Variants in TNFAIP8 observed in about 807,000 individuals in gnomAD.
TNFAIP8 encodes the protein TNF alpha induced protein 8.
A neutral mutation model predicts 13.3 loss-of-function variants in TNFAIP8; 7 were observed. The ratio of observed to expected loss-of-function variants is 0.52; its 90% confidence interval spans 0.30 to 0.99. The LOEUF (loss-of-function observed/expected upper bound fraction) is 0.99, where lower values mean the gene tolerates loss of function less well. Ranked by LOEUF, TNFAIP8 falls within the 50% of genes least tolerant of loss-of-function variation. The pLI, the probability that TNFAIP8 is intolerant of heterozygous loss-of-function variation, is 0.07. For synonymous variants in TNFAIP8, 94 were observed against 87.6 expected, an observed-to-expected ratio of 1.07 and a Z score of -0.41; for missense variants, 258 against 236.9, an observed-to-expected ratio of 1.09 and a Z score of -0.58.
rs377717523 is a variant in TNFAIP8, at chr5:119,393,962, A to G, written c.*581A>G. On this transcript the variant is annotated 3_prime_UTR_variant, in exon 2 of 2. Transcript: ENST00000504771. ...CTTATCTGAAATCAGTACTGTGGAA[A>G]TGAACTATATTAGCTATTATGAATA... 6.5e-6 allele frequency: 1 copy of G among 153,644 alleles called. No individual in the cohort carries two copies. Among genetic ancestry groups the G allele is most frequent in the East Asian group, 1.9e-4 (1 of 5,202 alleles). The allele number at this position is 153,644 out of a possible 1,614,324, so 9.5% of individuals were successfully genotyped here.
At chr5:119,359,569 G>A (rs1042690745) in intron 1 of TNFAIP8, among the ~76,000 whole-genome samples, 1 of 149,336 alleles carries the variant, frequency 6.7e-6, no homozygotes, top group East Asian at 1.9e-4. Context: ...AAAAAAAAAA[G>A]TTTAGTTGTT....
chr5:119,278,799 T>C (rs1224442956), intron 1 of TNFAIP8, among the ~76,000 whole-genome samples: 1 of 152,160 alleles, frequency 6.6e-6, no homozygotes, highest in Admixed American at 6.6e-5. Flanking sequence ...AATAATAATA[T>C]GGAAGGTGTT....
At chr5:119,284,930 G>C (rs1409274306) in intron 1 of TNFAIP8, among the ~76,000 whole-genome samples, 1 of 152,082 alleles carries the variant, frequency 6.6e-6, no homozygotes, top group Non-Finnish European at 1.5e-5. Context: ...TGAGTTTGGT[G>C]GAGAAAGAAG....
chr5:119,355,783 C>T, upstream of TNFAIP8: 2 of 409,710 alleles, frequency 4.9e-6, no homozygotes, highest in Non-Finnish European at 7.0e-6. Context: ...TGGGCCTGTG[C>T]CCCACCTGCG....
intron 1 of TNFAIP8, among the ~76,000 whole-genome samples, chr5:119,287,206 T>C (rs1748824556): frequency 6.6e-6 from 1 of 151,130 alleles, no homozygotes; most frequent in Admixed American, 6.6e-5. Context: ...ATTGATTCTA[T>C]CACTTACAGC....
At position 119,392,931 on chromosome 5, in the gene TNFAIP8, G is replaced by A; in HGVS notation, c.147G>A (p.Glu49=). ...CCTTAATAGACGACACAAGTAGTGA[G>A]GTGCTGGATGAGCTCTACAGAGTGA... is the stretch of plus-strand genomic sequence containing the variant. ...ATTLIDDTSS[E]VLDELYRVTR... is the part of the protein sequence containing the mutation. Residue 49 remains glutamate (E), a synonymous_variant, in exon 2 of 2, where the codon GAG becomes GAA. Transcript: ENST00000504771. The A allele has an allele frequency of 6.2e-7, 1 of 1,607,752 alleles. No individual in the cohort carries two copies. The highest frequency in any genetic ancestry group is 1.7e-4 in the Middle Eastern group (1 of 6,056).
chr5:119,367,714 A>G (rs1751912993), intron 1 of TNFAIP8, among the ~76,000 whole-genome samples: 1 of 152,194 alleles, frequency 6.6e-6, no homozygotes, highest in African/African-American at 2.4e-5. Flanking sequence ...TTCAGTATAG[A>G]TATGACAAAC....
At position 119,283,345 on chromosome 5, in the gene TNFAIP8, G is replaced by A. The variant is rs181459147; in HGVS notation, c.1+14438G>A. 7.9e-5 allele frequency among the ~76,000 whole-genome samples: 12 copies of A among 152,326 alleles called. No individual in the cohort carries two copies. The East Asian group carries it at 2.3e-3, about 29-fold the overall frequency. ...AAACAATGATGAAAATGATCAAGGAGTGATAGGCTAGGCATAGTGGCCCAA... is the reference window on the plus strand; with the variant it reads ...AAACAATGATGAAAATGATCAAGGAATGATAGGCTAGGCATAGTGGCCCAA... On this transcript the variant is annotated intron_variant, in intron 1 of 1. Coordinates refer to the TNFAIP8 transcript ENST00000274456.
chr5:119,275,536 G>T (rs1368919891), intron 1 of TNFAIP8, among the ~76,000 whole-genome samples: 1 of 152,104 alleles, frequency 6.6e-6, no homozygotes, highest in Non-Finnish European at 1.5e-5. Flanking sequence ...CTGTCCTGAG[G>T]TCCTGGTACC....
At chr5:119,369,037 TTTC>T (rs1751974975) in intron 1 of TNFAIP8, among the ~76,000 whole-genome samples, 1 of 148,260 alleles carries the variant, frequency 6.7e-6, no homozygotes, top group Non-Finnish European at 1.5e-5. Flanking sequence ...TAAGCCAAAC[TTTC>T]TTTTCTTTTC....
chr5:119,300,971 C>G (rs1749372272), intron 1 of TNFAIP8, among the ~76,000 whole-genome samples: 1 of 152,120 alleles, frequency 6.6e-6, no homozygotes. Context: ...GTGCCTCACA[C>G]TAAAAGCATT....
At chr5:119,292,612 A>G (rs1215381321) in intron 1 of TNFAIP8, among the ~76,000 whole-genome samples, 1 of 140,258 alleles carries the variant, frequency 7.1e-6, no homozygotes, top group Non-Finnish European at 1.6e-5. Context: ...CAGCTCAAAT[A>G]TCCACCAATT....
At chr5:119,356,308 C>T (rs892146259) in intron 1 of TNFAIP8, among the ~76,000 whole-genome samples, 187 bp downstream of exon 1, 1 of 152,182 alleles carries the variant, frequency 6.6e-6, no homozygotes, top group Non-Finnish European at 1.5e-5. Context: ...CCCTTCTCCC[C>T]CCGCAGCCGT....
At chr5:119,331,736 T>G (rs1375162394) in intron 1 of TNFAIP8, among the ~76,000 whole-genome samples, 1 of 152,208 alleles carries the variant, frequency 6.6e-6, no homozygotes, top group African/African-American at 2.4e-5. Context: ...GCAGCCTCAC[T>G]GCACTGCCCC....
At chr5:119,366,745 C>T (rs561992873) in intron 1 of TNFAIP8, among the ~76,000 whole-genome samples, 1 of 152,160 alleles carries the variant, frequency 6.6e-6, no homozygotes, top group Non-Finnish European at 1.5e-5. Context: ...GTAAGCAGGC[C>T]TCCTGAAGGA....
intron 1 of TNFAIP8, among the ~76,000 whole-genome samples, chr5:119,364,581 C>G (rs1315108898): frequency 2.6e-5 from 4 of 152,140 alleles, no homozygotes; most frequent in Non-Finnish European, 5.9e-5. Flanking sequence ...CTCATGAGCT[C>G]AAGCAGTCCT....
At chr5:119,331,001 C>T (rs1750359249) in intron 1 of TNFAIP8, among the ~76,000 whole-genome samples, 1 of 152,056 alleles carries the variant, frequency 6.6e-6, no homozygotes, top group Non-Finnish European at 1.5e-5. Context: ...AAATTGCTTT[C>T]ACGAAGCTAG....
intron 1 of TNFAIP8, chr5:119,306,314 C>CTTTTTTTTTTTTTTTT (rs1324521590): frequency 2.9e-5 from 4 of 135,932 alleles, no homozygotes; most frequent in African/African-American, 1.4e-4. Flanking sequence ...TTCTTTCTTT[C>CTTTTTTTTTTTTTTTT]TTTCTTTTTC....
intron 1 of TNFAIP8, among the ~76,000 whole-genome samples, chr5:119,282,364 G>T (rs1165172273): frequency 6.6e-6 from 1 of 152,172 alleles, no homozygotes; most frequent in Non-Finnish European, 1.5e-5. Context: ...TTATTAGCCT[G>T]TTGGGAACTG....
Sources: allele counts gnomAD v4.1 joint callset (sites outside exome capture counted in the v4.1 genomes callset), GRCh38; gene constraint gnomAD v4.1.1; transcripts MANE v1.5; gene names NCBI Gene and HGNC (gene_info 2026-07-23, HGNC 2026-07-21).